The following NXPE2 variants were observed in gnomAD, a reference collection of about 807,000 sequenced individuals.
NXPE2 encodes NXPE family member 2.
NXPE2 carries 34 observed loss-of-function variants against 34.4 expected under a neutral mutation model. That is an observed-to-expected ratio of 0.99 (90% CI 0.75 to 1.31). NXPE2 has a LOEUF of 1.31. Among genes scored for constraint, NXPE2 ranks in the 40% most tolerant of loss-of-function variants. The pLI is 0.00. For missense variants in NXPE2, 649 were observed against 672.5 expected, an observed-to-expected ratio of 0.97 and a Z score of 0.39; for synonymous variants, 235 against 231.3, an observed-to-expected ratio of 1.02 and a Z score of -0.15.
At chr11:114,508,083 A>T in the NXPE2 span, among the ~76,000 whole-genome samples, 4 of 152,194 alleles carry the variant, frequency 2.6e-5, no homozygotes, top group African/African-American at 7.2e-5. Context: ...AATCACTAGC[A>T]TTCCTACACA....
the NXPE2 span, among the ~76,000 whole-genome samples, chr11:114,789,907 C>T: frequency 6.6e-6 from 1 of 152,226 alleles, no homozygotes; most frequent in Non-Finnish European, 1.5e-5. Flanking sequence ...TATTCCTCTG[C>T]CCGGAGCCAC....
the NXPE2 span, among the ~76,000 whole-genome samples, chr11:114,603,932 A>G: frequency 6.6e-6 from 1 of 151,312 alleles, no homozygotes; most frequent in African/African-American, 2.4e-5. Context: ...TACCTGGTGG[A>G]TAATAAGTAT....
the NXPE2 span, among the ~76,000 whole-genome samples, chr11:114,788,425 C>T: frequency 6.6e-6 from 1 of 152,150 alleles, no homozygotes; most frequent in African/African-American, 2.4e-5. Flanking sequence ...ACGCCTGTGG[C>T]CCAAAGGAGC....
the NXPE2 span, among the ~76,000 whole-genome samples, chr11:114,767,232 G>C: frequency 6.6e-6 from 1 of 151,798 alleles, no homozygotes; most frequent in African/African-American, 2.4e-5. Context: ...ATAAATAATA[G>C]TGCTTTCATT....
At chr11:114,782,259 T>C in the NXPE2 span, among the ~76,000 whole-genome samples, 1 of 152,224 alleles carries the variant, frequency 6.6e-6, no homozygotes, top group African/African-American at 2.4e-5. Flanking sequence ...GCTGACCGTG[T>C]ATCTATTCCG....
At chr11:114,550,662 G>T in the NXPE2 span, among the ~76,000 whole-genome samples, 9 of 152,062 alleles carry the variant, frequency 5.9e-5, no homozygotes, top group African/African-American at 2.2e-4. Context: ...CTTTGAGCGG[G>T]AAAAACTTTC....
the NXPE2 span, chr11:114,582,187 G>A: frequency 7.7e-7 from 1 of 1,291,012 alleles, no homozygotes; most frequent in Non-Finnish European, 1.1e-6. Context: ...TCTTACTAAA[G>A]ACACCCAAAA....
the NXPE2 span, among the ~76,000 whole-genome samples, chr11:114,546,341 G>T: frequency 1.3e-5 from 2 of 152,070 alleles, no homozygotes; most frequent in South Asian, 4.2e-4. Flanking sequence ...ACCATGTAGT[G>T]ATAGATGAGA....
the NXPE2 span, among the ~76,000 whole-genome samples, chr11:114,506,109 TATTAAAAA>T: frequency 7.6e-5 from 5 of 66,060 alleles, no homozygotes; most frequent in African/African-American, 3.6e-4. Context: ...AACCAAGAAA[TATTAAAAA>T]AAAAAAAAAA....
At chr11:114,712,452 A>G in the NXPE2 span, among the ~76,000 whole-genome samples, 1 of 152,246 alleles carries the variant, frequency 6.6e-6, no homozygotes, top group Non-Finnish European at 1.5e-5. Flanking sequence ...AAAAATTGGC[A>G]AAGAAGTTGA....
At chr11:114,715,990 C>T in the NXPE2 span, among the ~76,000 whole-genome samples, 1 of 152,298 alleles carries the variant, frequency 6.6e-6, no homozygotes, top group Non-Finnish European at 1.5e-5. Context: ...TATGTTTAGT[C>T]TTTTAATGTA....
the NXPE2 span, among the ~76,000 whole-genome samples, chr11:114,756,292 C>A: frequency 6.6e-6 from 1 of 152,276 alleles, no homozygotes; most frequent in Admixed American, 6.5e-5. Context: ...GCACAGGTCC[C>A]AGCCTTGCCA....
the NXPE2 span, among the ~76,000 whole-genome samples, chr11:114,495,231 C>T: frequency 6.6e-6 from 1 of 151,590 alleles, no homozygotes; most frequent in Non-Finnish European, 1.5e-5. Flanking sequence ...TGCCTATGTT[C>T]GCTCAAGGTT....
At chr11:114,532,701 CTCTT>C in the NXPE2 span, among the ~76,000 whole-genome samples, 1 of 151,924 alleles carries the variant, frequency 6.6e-6, no homozygotes. Context: ...AATTCTCTGT[CTCTT>C]TCTCTCTGTG....
the NXPE2 span, among the ~76,000 whole-genome samples, chr11:114,628,241 C>T: frequency 5.8e-4 from 86 of 147,482 alleles, 2 homozygotes; most frequent in African/African-American, 2.1e-3. Context: ...CATACCACAC[C>T]TATTCCAAAA....
At chr11:114,781,237 T>A in the NXPE2 span, among the ~76,000 whole-genome samples, 1 of 152,156 alleles carries the variant, frequency 6.6e-6, no homozygotes, top group South Asian at 2.1e-4. Flanking sequence ...GAACCTGGTC[T>A]CTACTCATCT....
chr11:114,773,519 C>A, the NXPE2 span, among the ~76,000 whole-genome samples: 4 of 152,108 alleles, frequency 2.6e-5, no homozygotes, highest in African/African-American at 9.7e-5. Flanking sequence ...ACCCCAGGAC[C>A]CTGGATTTCT....
At chr11:114,498,097 C>T in the NXPE2 span, among the ~76,000 whole-genome samples, 443 of 152,046 alleles carry the variant, frequency 2.9e-3, no homozygotes, top group Middle Eastern at 0.01. Flanking sequence ...CTATGTATAT[C>T]TATTTTCTGT....
the NXPE2 span, among the ~76,000 whole-genome samples, chr11:114,543,514 CTGTT>C: frequency 1.8e-5 from 2 of 108,440 alleles, no homozygotes; most frequent in African/African-American, 9.9e-5. Context: ...GAGTGAGACC[CTGTT>C]TAAAAAAAAA....
Sources: allele counts gnomAD v4.1 joint callset (sites outside exome capture counted in the v4.1 genomes callset), GRCh38; gene constraint gnomAD v4.1.1; transcripts MANE v1.5; gene names NCBI Gene and HGNC (gene_info 2026-07-23, HGNC 2026-07-21).